ARL15: variants seen among roughly 807,000 people sequenced by gnomAD.
ARL15 encodes ADP-ribosylation factor-like protein 15.
A neutral mutation model predicts 25.2 loss-of-function variants in ARL15; 19 were observed. That is an observed-to-expected ratio of 0.75 (90% CI 0.53 to 1.10). The LOEUF (loss-of-function observed/expected upper bound fraction) is 1.10, where lower values mean the gene tolerates loss of function less well. ARL15 is among the 50% of genes least tolerant of loss of function. ARL15 has a pLI of 0.00. For missense variants in ARL15, 220 were observed against 246.0 expected (o/e 0.89, Z 0.71); for synonymous variants, 94 against 86.8 (o/e 1.08, Z -0.46).
At chr5:54,236,433 CACACACACACACAA>C (rs1756810740) in intron 1 of ARL15, among the ~76,000 whole-genome samples, 1 of 151,862 alleles carries the variant, frequency 6.6e-6, no homozygotes, top group Admixed American at 6.6e-5. Context: ...CACACACACA[CACACACACACACAA>C]ATCAGTAGTA....
intron 1 of ARL15, among the ~76,000 whole-genome samples, chr5:54,295,613 A>G (rs533715118): frequency 6.6e-6 from 1 of 152,336 alleles, no homozygotes; most frequent in South Asian, 2.1e-4. Flanking sequence ...TGTTACACTG[A>G]AAAAAACATT....
At chr5:54,253,553 T>G (rs1757293432) in intron 1 of ARL15, among the ~76,000 whole-genome samples, 1 of 152,192 alleles carries the variant, frequency 6.6e-6, no homozygotes, top group South Asian at 2.1e-4. Flanking sequence ...AGGTTAATTT[T>G]AAAGTTACAG....
intron 4 of ARL15, among the ~76,000 whole-genome samples, chr5:54,082,731 G>A (rs1751841727): frequency 6.6e-6 from 1 of 152,130 alleles, no homozygotes; most frequent in African/African-American, 2.4e-5. Flanking sequence ...GAAGGAAGAT[G>A]AAGCTTCAGC....
At chr5:53,917,906 T>C (rs903907621) in intron 4 of ARL15, among the ~76,000 whole-genome samples, 1 of 152,306 alleles carries the variant, frequency 6.6e-6, no homozygotes, top group East Asian at 1.9e-4. Flanking sequence ...ACGCTTTTGG[T>C]AAATAGACAC....
At chr5:53,965,668 A>T (rs1239239725) in intron 4 of ARL15, among the ~76,000 whole-genome samples, 1 of 147,642 alleles carries the variant, frequency 6.8e-6, no homozygotes, top group Non-Finnish European at 1.5e-5. Context: ...ATCCTTGCTC[A>T]CTGTTGGTCT....
chr5:54,108,606 C>A (rs1752652624), intron 4 of ARL15, among the ~76,000 whole-genome samples: 1 of 151,932 alleles, frequency 6.6e-6, no homozygotes. Flanking sequence ...CACATGAAGT[C>A]AGAGAAGATA....
intron 1 of ARL15, among the ~76,000 whole-genome samples, chr5:54,192,439 T>C (rs1436148568): frequency 3.3e-5 from 5 of 152,120 alleles, no homozygotes; most frequent in African/African-American, 1.2e-4. Context: ...CAAGATTTTT[T>C]ACAATTGTTT....
At chr5:54,065,177 T>C (rs963039722) in intron 4 of ARL15, among the ~76,000 whole-genome samples, 4 of 152,186 alleles carry the variant, frequency 2.6e-5, no homozygotes, top group East Asian at 1.9e-4. Context: ...TTTTCTGCTA[T>C]TAAAAAAGAG....
intron 4 of ARL15, among the ~76,000 whole-genome samples, chr5:53,924,738 G>C (rs1431525336): frequency 1.3e-5 from 2 of 152,080 alleles, no homozygotes; most frequent in Non-Finnish European, 2.9e-5. Flanking sequence ...GCCTAACAAG[G>C]GTGCACAGGG....
chr5:54,128,592 G>A (rs1454168586), intron 3 of ARL15, among the ~76,000 whole-genome samples: 1 of 152,038 alleles, frequency 6.6e-6, no homozygotes, highest in Admixed American at 6.5e-5. Context: ...CCTGACTCAT[G>A]AGCTCACAGT....
chr5:53,970,379 T>G (rs7712574), intron 4 of ARL15, among the ~76,000 whole-genome samples: 3,274 of 152,290 alleles, frequency 0.021, 138 homozygotes, highest in African/African-American at 0.075. Flanking sequence ...ACCAAAATCA[T>G]GTTTTCTTTG....
At chr5:53,949,308 A>C (rs1159984483) in intron 4 of ARL15, among the ~76,000 whole-genome samples, 1 of 152,216 alleles carries the variant, frequency 6.6e-6, no homozygotes, top group Non-Finnish European at 1.5e-5. Context: ...ACACTAAAAT[A>C]ATGAAGAATA....
intron 1 of ARL15, among the ~76,000 whole-genome samples, chr5:54,270,568 T>C (rs1391690928): frequency 6.6e-6 from 1 of 152,210 alleles, no homozygotes; most frequent in Non-Finnish European, 1.5e-5. Context: ...TATTAAGCAC[T>C]TGCAACATGC....
chr5:54,198,872 C>A (rs1189201906), intron 1 of ARL15, among the ~76,000 whole-genome samples: 2 of 152,100 alleles, frequency 1.3e-5, no homozygotes, highest in Non-Finnish European at 2.9e-5. Flanking sequence ...AAGCTGGAGG[C>A]ATCACGCTAT....
intron 4 of ARL15, among the ~76,000 whole-genome samples, chr5:54,070,349 G>C (rs956846368): frequency 2.0e-5 from 3 of 150,772 alleles, no homozygotes; most frequent in African/African-American, 7.3e-5. Context: ...CCGAGATCGC[G>C]CCACTGCACC....
At chr5:53,969,482 C>A (rs1178716100) in intron 4 of ARL15, among the ~76,000 whole-genome samples, 2 of 152,038 alleles carry the variant, frequency 1.3e-5, no homozygotes, top group Non-Finnish European at 2.9e-5. Context: ...AAACATGTGA[C>A]AACAGTGACT....
chr5:53,890,902 TG>T (rs1184486622), intron 4 of ARL15, among the ~76,000 whole-genome samples: 1 of 152,186 alleles, frequency 6.6e-6, no homozygotes, highest in Non-Finnish European at 1.5e-5. Flanking sequence ...GGGTAGGAGA[TG>T]TCCTTTATGT....
intron 4 of ARL15, among the ~76,000 whole-genome samples, chr5:54,062,663 A>G (rs979275967): frequency 6.6e-6 from 1 of 152,176 alleles, no homozygotes; most frequent in Non-Finnish European, 1.5e-5. Context: ...AGTCTAATTA[A>G]TCTTCTTTCT....
chr5:54,025,296 A>C (rs696198), intron 4 of ARL15, among the ~76,000 whole-genome samples: 58,367 of 149,584 alleles, frequency 0.39, 12,486 homozygotes, highest in Admixed American at 0.49. Flanking sequence ...CCAAAAAAAA[A>C]AAAAAAAAAA....
Sources: gnomAD v4.1 joint callset for allele counts (sites outside exome capture counted in the v4.1 genomes callset) on GRCh38, gnomAD v4.1.1 for gene constraint, MANE v1.5 for transcripts, NCBI Gene and HGNC (gene_info 2026-07-23, HGNC 2026-07-21) for gene names.